The following SETX variants were observed in gnomAD, a reference collection of about 807,000 sequenced individuals.
SETX encodes the protein senataxin.
In SETX, 90 loss-of-function variants were observed where a neutral mutation model predicts 227.2. The observed-to-expected ratio is 0.40, with a 90% CI of 0.33 to 0.47. The LOEUF (loss-of-function observed/expected upper bound fraction) is 0.47. Ranked by LOEUF, SETX falls within the 20% of genes least tolerant of loss-of-function variation. The pLI, the probability that SETX is intolerant of heterozygous loss-of-function variation, is 0.91. For missense variants in SETX, 3,052 were observed against 3,181.5 expected (o/e 0.96, Z 0.98); for synonymous variants, 1,210 against 1,113.2 (o/e 1.09, Z -1.73).
At chr9:132,335,345 C>G (rs966909004) in intron 6 of SETX, among the ~76,000 whole-genome samples, 1 of 118,340 alleles carries the variant, frequency 8.5e-6, no homozygotes, top group African/African-American at 3.2e-5. Context: ...GAGCCGAGAT[C>G]GCGCGACTGC....
At chr9:132,280,703 T>C (rs990543913) in intron 20 of SETX, among the ~76,000 whole-genome samples, 1 of 152,214 alleles carries the variant, frequency 6.6e-6, no homozygotes, top group African/African-American at 2.4e-5. Flanking sequence ...TGCTCAATTA[T>C]CTGTATAAAT....
rs763798232 is a variant in SETX at position 132,264,751 on chromosome 9, G to A, written c.7522C>T (p.Leu2508=). Residue 2508 remains leucine (L), a synonymous_variant, in exon 26 of 26, where the codon CTA becomes TTA. Transcript: ENST00000224140. ...TTGGAGTCAGAGGGTGTGTGGTATA[G>A]AGAAGCAGCAACAGATGTCTTGGCA... The part of the protein sequence containing the change: ...GFAKTSVAAS[L]YHTPSDSKEI... 3.1e-6 allele frequency: 5 copies of A among 1,614,180 alleles called. No individual in the cohort carries two copies. The South Asian group carries it at 5.5e-5, about 18-fold the overall frequency.
rs767373911 is a variant in SETX at position 132,298,142 on chromosome 9, G to A, written c.5719C>T (p.Leu1907=). 5.0e-6 allele frequency: 8 copies of A among 1,613,950 alleles called. No homozygotes were observed. The highest frequency in any genetic ancestry group is 1.3e-5 in the African/African-American group (1 of 74,908). Residue 1907 remains leucine (L), a synonymous_variant, in exon 13 of 26, where the codon CTG becomes TTG. Coordinates refer to ENST00000224140, the MANE Select transcript of SETX (RefSeq NM_015046.7). The part of the protein sequence containing the change: ...GSRNQLARAV[L]NPNPMDFCTK... Reference sequence around the variant, plus strand: ...CAGAAGTCCATAGGGTTTGGATTCAGAACAGCTCTAGCCAGTTGGTTCCGA... The same window carrying A: ...CAGAAGTCCATAGGGTTTGGATTCAAAACAGCTCTAGCCAGTTGGTTCCGA...
chr9:132,302,680 G>A (rs147735073), intron 11 of SETX, among the ~76,000 whole-genome samples: 1,986 of 34,786 alleles, frequency 0.057, 1 homozygote, highest in Non-Finnish European at 0.067. Flanking sequence ...AAAAAAAAAA[G>A]CAAAAAAAAA....
intron 17 of SETX, among the ~76,000 whole-genome samples, chr9:132,287,717 G>C (rs748443345): frequency 3.2e-5 from 4 of 125,754 alleles, no homozygotes; most frequent in Non-Finnish European, 6.7e-5. Context: ...TTTAACAAAA[G>C]TAATTTTAAT....
chr9:132,312,892 A>G (rs1845746543), intron 10 of SETX, among the ~76,000 whole-genome samples: 1 of 152,220 alleles, frequency 6.6e-6, no homozygotes, highest in Non-Finnish European at 1.5e-5. Flanking sequence ...CATACAATAG[A>G]ATCTCATTTG....
chr9:132,288,155 G>T, intron 17 of SETX, 81 bp downstream of exon 17: 1 of 1,118,122 alleles, frequency 8.9e-7, no homozygotes, highest in Non-Finnish European at 1.3e-6. Flanking sequence ...CAGCCTGGAA[G>T]ACAGAGCAAG....
chr9:132,274,440 C>CTTTT (rs1346968200), intron 23 of SETX, among the ~76,000 whole-genome samples: 1 of 132,492 alleles, frequency 7.5e-6, no homozygotes, highest in Non-Finnish European at 1.6e-5. Context: ...CTGATTTTTT[C>CTTTT]TTTTTTTTTT....
At chr9:132,279,049 T>C (rs750041734) in intron 20 of SETX, among the ~76,000 whole-genome samples, 11 of 152,164 alleles carry the variant, frequency 7.2e-5, no homozygotes, top group Non-Finnish European at 1.0e-4. Flanking sequence ...ACTTTAAGCA[T>C]AAAGTCAGCA....
At chr9:132,346,518 C>G (rs1848300041) in intron 3 of SETX, 47 bp from the exon 4 acceptor site, 6 of 1,323,008 alleles carry the variant, frequency 4.5e-6, no homozygotes, top group Non-Finnish European at 6.4e-6. Flanking sequence ...TTATCATCAA[C>G]AAAATACACT....
rs1339936026 is a variant in SETX, at chr9:132,264,586, G to T, written c.7687C>A (p.Pro2563Thr). 6.2e-7 allele frequency: 1 copy of T among 1,614,068 alleles called. No individual in the cohort carries two copies. The highest frequency in any genetic ancestry group is 8.5e-7 in the Non-Finnish European group (1 of 1,180,046). The change falls in exon 26 of 26, where the codon CCC becomes ACC. Residue 2563 changes from proline to threonine, a missense_variant. Pro to Thr is a conservative substitution (Grantham distance 38). Around this residue, in one of 10 missense-constraint regions of SETX, gnomAD observed 294 missense variants for 278.8 expected, o/e 1.05. Coordinates refer to ENST00000224140, the MANE Select transcript of SETX (RefSeq NM_015046.7). ...GGAGGTGTTGCTCCAGGATGCTGGG[G>T]GCTCGAGGGTTGTGGATCCCAAAGG... ...IFLWDPQPSS[P>T]QHPGATPPTG...
At chr9:132,296,624 G>A (rs867133011) in intron 14 of SETX, among the ~76,000 whole-genome samples, 4 of 151,074 alleles carry the variant, frequency 2.6e-5, no homozygotes, top group African/African-American at 7.3e-5. Context: ...AGCATTCTAC[G>A]TGACCTACCG....
intron 18 of SETX, among the ~76,000 whole-genome samples, chr9:132,284,244 G>A (rs1843706722): frequency 6.6e-6 from 1 of 152,206 alleles, no homozygotes; most frequent in Non-Finnish European, 1.5e-5. Context: ...CAGAACACAT[G>A]TGATGAGCAG....
Position 132,277,005 on chromosome 9 carries a change from A to C in SETX, c.6935+55T>G. On this transcript the variant is annotated intron_variant, in intron 22 of 25. Transcript: ENST00000224140. Reference sequence around the variant, plus strand: ...ATGTATTTAACAGAAATATGAATGCAAATCATGTAACAATTCTGGGACTAT... The same window carrying C: ...ATGTATTTAACAGAAATATGAATGCCAATCATGTAACAATTCTGGGACTAT... The C allele has an allele frequency of 2.1e-6, 3 of 1,426,584 alleles. No individual in the cohort carries two copies. In the South Asian group the frequency reaches 3.4e-5, roughly 16 times the overall value. 88.4% of individuals were successfully genotyped at this position (1,426,584 alleles called of 1,614,324 possible). A position where few individuals can be genotyped will look rare whatever the true frequency, so the allele number is the denominator to read the frequency against.
chr9:132,346,965 A>G (rs903209342), intron 3 of SETX, among the ~76,000 whole-genome samples: 2 of 152,028 alleles, frequency 1.3e-5, no homozygotes, highest in Non-Finnish European at 2.9e-5. Context: ...TAAGAGAAAA[A>G]GAAAACAGGC....
In SETX at chr9:132,272,681, A is replaced by G. The variant is rs560146534; in HGVS notation, c.7101-873T>C. 8.5e-4 allele frequency among the ~76,000 whole-genome samples: 129 copies of G among 152,272 alleles called. 1 individual carries two copies. The highest frequency in any genetic ancestry group is 3.0e-3 in the African/African-American group (123 of 41,534). The stretch of plus-strand genomic sequence containing the variant: ...CTCTCTCCATTCCCTGGCAACCACT[A>G]ATACACTTCCTGTCTCTACAGATTT... On this transcript the variant is annotated intron_variant, in intron 23 of 25. Transcript: ENST00000224140.
At chr9:132,355,157 C>T (rs1848847442), upstream of SETX, among the ~76,000 whole-genome samples, 1 of 152,140 alleles carries the variant, frequency 6.6e-6, no homozygotes, top group African/African-American at 2.4e-5. Flanking sequence ...ACGCCGGGCG[C>T]TGGCGTCACG....
rs1213588784 is a variant in SETX at position 132,333,402 on chromosome 9, A to ATAT, written c.838+1205_838+1206insATA. Among the ~76,000 whole-genome samples the ATAT allele has an allele frequency of 1.9e-3, 140 of 74,240 alleles. 4 individuals are homozygous for ATAT. Among genetic ancestry groups the ATAT allele is most frequent in the East Asian group, 6.4e-3 (15 of 2,326 alleles). 48.7% of individuals were successfully genotyped at this position (74,240 alleles called of 152,430 possible). Reference sequence around the variant, plus strand: ...CAAAAAGAAAAAAAAAAAAAAGAAAAAAAAAAATATATATACACACACACA... The same window carrying ATAT: ...CAAAAAGAAAAAAAAAAAAAAGAAAATATAAAAAAATATATATACACACACACA... On this transcript the variant is annotated intron_variant, in intron 7 of 25. Coordinates refer to ENST00000224140, the MANE Select transcript of SETX (RefSeq NM_015046.7).
At chr9:132,303,718 T>C (rs954811361) in intron 11 of SETX, among the ~76,000 whole-genome samples, 5 of 152,158 alleles carry the variant, frequency 3.3e-5, no homozygotes, top group African/African-American at 9.7e-5. Flanking sequence ...GAAGGGGATA[T>C]GTACATTGCC....
Sources: allele counts gnomAD v4.1 joint callset (sites outside exome capture counted in the v4.1 genomes callset), GRCh38; gene constraint gnomAD v4.1.1; regional missense constraint gnomAD v4.1.1; transcripts MANE v1.5; gene names NCBI Gene and HGNC (gene_info 2026-07-23, HGNC 2026-07-21).